Variants in ZC3H12B observed in about 807,000 individuals in gnomAD.
ZC3H12B encodes the protein probable ribonuclease ZC3H12B.
In ZC3H12B, 7 loss-of-function variants were observed where a neutral mutation model predicts 43.9. The observed-to-expected ratio is 0.16, with a 90% confidence interval of 0.09 to 0.30. The LOEUF (loss-of-function observed/expected upper bound fraction) is 0.30, where lower values mean the gene tolerates loss of function less well. ZC3H12B is among the 10% of genes least tolerant of loss of function. ZC3H12B has a pLI of 1.00. For synonymous variants in ZC3H12B, 222 were observed against 241.7 expected (o/e 0.92, Z 0.76); for missense variants, 475 against 670.2 (o/e 0.71, Z 3.22).
At chrX:65,383,261 A>C (rs954665763) in intron 2 of ZC3H12B, among the ~76,000 whole-genome samples, 3 of 111,877 alleles carry the variant, frequency 2.7e-5, no homozygotes, top group African/African-American at 9.8e-5. Flanking sequence ...AGAGATATAG[A>C]TCAATGGAAC....
At chrX:65,285,181 C>A in the ZC3H12B span, among the ~76,000 whole-genome samples, 1 of 109,976 alleles carries the variant, frequency 9.1e-6, no homozygotes, top group Non-Finnish European at 1.9e-5. Flanking sequence ...TGGATAAGTT[C>A]TTTAGCAGTG....
At chrX:65,181,226 T>A in the ZC3H12B span, among the ~76,000 whole-genome samples, 2 of 111,944 alleles carry the variant, frequency 1.8e-5, no homozygotes, top group Admixed American at 9.5e-5. Flanking sequence ...CTGGACCCCC[T>A]TTTTATACCT....
intron 3 of ZC3H12B, among the ~76,000 whole-genome samples, chrX:65,442,428 AT>A (rs1307106662): frequency 9.1e-6 from 1 of 110,320 alleles, no homozygotes; most frequent in Admixed American, 9.7e-5. Context: ...ACCTGAAGTG[AT>A]TTTTTTTCCC....
chrX:65,152,229 C>A, the ZC3H12B span, among the ~76,000 whole-genome samples: 3 of 111,405 alleles, frequency 2.7e-5, no homozygotes, highest in Non-Finnish European at 5.6e-5. Context: ...AAGTTCTGGC[C>A]AGGGCAATTA....
chrX:65,188,732 C>G, the ZC3H12B span, among the ~76,000 whole-genome samples: 90 of 108,851 alleles, frequency 8.3e-4, 2 homozygotes, highest in African/African-American at 3.0e-3. Flanking sequence ...AGAAATACTA[C>G]TGATTTTTGT....
At chrX:65,320,537 GA>G in the ZC3H12B span, among the ~76,000 whole-genome samples, 6 of 110,883 alleles carry the variant, frequency 5.4e-5, no homozygotes, top group South Asian at 3.7e-4. Flanking sequence ...AAAGAAATAG[GA>G]AAAAAAACTA....
At chrX:65,300,497 G>A in the ZC3H12B span, among the ~76,000 whole-genome samples, 2 of 111,300 alleles carry the variant, frequency 1.8e-5, no homozygotes, top group African/African-American at 6.5e-5. Context: ...CCCCACAGCA[G>A]CTAAAGCAAG....
rs972114924 is a variant in ZC3H12B at position 65,444,576 on chromosome X, C to T, written n.408-44070C>T. 5.3e-5 allele frequency among the ~76,000 whole-genome samples: 6 copies of T among 112,185 alleles called. 1 individual carries two copies. On this transcript the variant is annotated intron_variant and non_coding_transcript_variant, in intron 3 of 5. Transcript: ENST00000617377. ...TTAAACCTCTTTCTTTTGTAAATTG[C>T]CCAGTCTCAGGTATATCTTTATCAG... is the stretch of plus-strand genomic sequence containing the variant.
chrX:65,475,520 G>A (rs1160789050), intron 3 of ZC3H12B, among the ~76,000 whole-genome samples: 1 of 110,476 alleles, frequency 9.1e-6, no homozygotes, highest in Non-Finnish European at 1.9e-5. Flanking sequence ...GAAATCCACT[G>A]ATAGTCTTAC....
the ZC3H12B span, among the ~76,000 whole-genome samples, chrX:65,201,638 ACC>A: frequency 5.1e-5 from 1 of 19,511 alleles, no homozygotes; most frequent in African/African-American, 2.0e-4. Flanking sequence ...CTGAAAGATC[ACC>A]TCTCTCTCTC....
the ZC3H12B span, among the ~76,000 whole-genome samples, chrX:65,310,945 G>C: frequency 1.8e-5 from 2 of 112,286 alleles, no homozygotes; most frequent in African/African-American, 6.5e-5. Flanking sequence ...CTAGCCATAT[G>C]TAGAAAGCTG....
At chrX:65,231,790 A>G in the ZC3H12B span, among the ~76,000 whole-genome samples, 2 of 111,831 alleles carry the variant, frequency 1.8e-5, no homozygotes, top group African/African-American at 3.3e-5. Context: ...CACTGATTTC[A>G]TATTGTTCAA....
chrX:65,293,141 A>T, the ZC3H12B span, among the ~76,000 whole-genome samples: 4 of 111,996 alleles, frequency 3.6e-5, no homozygotes, highest in African/African-American at 1.3e-4. Flanking sequence ...TGGTATCGAC[A>T]GCTGAGAAAC....
At chrX:65,346,254 AC>A in the ZC3H12B span, among the ~76,000 whole-genome samples, 38 of 107,681 alleles carry the variant, frequency 3.5e-4, 1 homozygote, top group African/African-American at 1.3e-3. Context: ...ACAGAATGGT[AC>A]TAGTAAAAAA....
the ZC3H12B span, among the ~76,000 whole-genome samples, chrX:65,067,878 G>A: frequency 9.0e-6 from 1 of 110,703 alleles, no homozygotes; most frequent in Non-Finnish European, 1.9e-5. Context: ...TTGGAACTAT[G>A]AACTTCCCTC....
At chrX:65,331,253 TC>T in the ZC3H12B span, 1 of 115,749 alleles carries the variant, frequency 8.6e-6, no homozygotes. Context: ...ATTCACTACC[TC>T]CTCCTTCTTT....
At chrX:65,215,742 G>T in the ZC3H12B span, among the ~76,000 whole-genome samples, 1 of 111,595 alleles carries the variant, frequency 9.0e-6, no homozygotes, top group Admixed American at 9.6e-5. Flanking sequence ...GGCAGAAGAG[G>T]CCTAGCTTTC....
chrX:65,432,424 G>A (rs931179256), intron 3 of ZC3H12B, among the ~76,000 whole-genome samples: 6 of 111,538 alleles, frequency 5.4e-5, no homozygotes, highest in Non-Finnish European at 9.4e-5. Flanking sequence ...ATGTATAACA[G>A]CCTGCCACAT....
the ZC3H12B span, among the ~76,000 whole-genome samples, chrX:65,231,626 C>T: frequency 1.8e-5 from 2 of 111,189 alleles, no homozygotes; most frequent in Non-Finnish European, 3.8e-5. Context: ...GAAAAGAATT[C>T]AGTGATATCT....
Sources: allele counts gnomAD v4.1 joint callset (sites outside exome capture counted in the v4.1 genomes callset), GRCh38; gene constraint gnomAD v4.1.1; transcripts MANE v1.5; gene names NCBI Gene and HGNC (gene_info 2026-07-23, HGNC 2026-07-21).